PRKG1: variants seen among roughly 807,000 people sequenced by gnomAD.
The protein encoded by PRKG1 is cGMP-dependent protein kinase 1.
PRKG1 carries 35 observed loss-of-function variants against 88.1 expected under a neutral mutation model. The observed-to-expected ratio is 0.40, with a 90% CI of 0.30 to 0.53. The LOEUF is 0.53. PRKG1 is among the 20% of genes least tolerant of loss of function. PRKG1 has a pLI of 0.59. For missense variants in PRKG1, 540 were observed against 839.8 expected (o/e 0.64, Z 4.41); for synonymous variants, 303 against 292.5 (o/e 1.04, Z -0.37).
intron 3 of PRKG1, among the ~76,000 whole-genome samples, chr10:51,721,953 A>T (rs1842023124): frequency 6.6e-6 from 1 of 152,114 alleles, no homozygotes. Context: ...CATTACAGGC[A>T]GGGTGCGGTG....
intron 3 of PRKG1, among the ~76,000 whole-genome samples, chr10:51,668,474 C>T (rs1840476991): frequency 6.6e-6 from 1 of 152,172 alleles, no homozygotes; most frequent in South Asian, 2.1e-4. Flanking sequence ...CTGGTTCTAT[C>T]ATAGCTTACT....
chr10:51,961,907 T>G (rs149587291), intron 5 of PRKG1, among the ~76,000 whole-genome samples: 338 of 152,240 alleles, frequency 2.2e-3, no homozygotes, highest in African/African-American at 7.8e-3. Flanking sequence ...GATATCCACG[T>G]CAGGAAAGAC....
chr10:52,134,961 C>T (rs1837365472), intron 8 of PRKG1, among the ~76,000 whole-genome samples: 1 of 152,074 alleles, frequency 6.6e-6, no homozygotes, highest in South Asian at 2.1e-4. Flanking sequence ...TACCAATTTG[C>T]TCTTCCATTC....
chr10:51,663,113 A>G (rs990474580), intron 3 of PRKG1, among the ~76,000 whole-genome samples: 2 of 152,108 alleles, frequency 1.3e-5, no homozygotes, highest in African/African-American at 4.8e-5. Flanking sequence ...CCAGTGATGA[A>G]AACAGAACCA....
chr10:51,417,961 C>T (rs1231635741), intron 2 of PRKG1, among the ~76,000 whole-genome samples: 2 of 152,164 alleles, frequency 1.3e-5, no homozygotes, highest in Non-Finnish European at 2.9e-5. Flanking sequence ...ATGGGAGACA[C>T]ATGTTTTACG....
intron 7 of PRKG1, chr10:52,128,345 T>C: frequency 1.0e-6 from 1 of 985,410 alleles, no homozygotes; most frequent in Non-Finnish European, 1.2e-6. Context: ...TTTGGCCTCA[T>C]ACATTCTGTG....
At chr10:51,250,174 T>C (rs1470882413) in intron 2 of PRKG1, among the ~76,000 whole-genome samples, 1 of 151,768 alleles carries the variant, frequency 6.6e-6, no homozygotes, top group Non-Finnish European at 1.5e-5. Flanking sequence ...ATTTATTCAG[T>C]ATACCTTGGG....
At chr10:51,071,796 C>T (rs534732093), upstream of PRKG1, among the ~76,000 whole-genome samples, 1 of 152,068 alleles carries the variant, frequency 6.6e-6, no homozygotes, top group Non-Finnish European at 1.5e-5. Context: ...TGAGGAAGAA[C>T]CTTCTCTCTT....
chr10:51,894,610 A>G (rs372225114), intron 4 of PRKG1, among the ~76,000 whole-genome samples: 7 of 152,258 alleles, frequency 4.6e-5, no homozygotes, highest in African/African-American at 1.4e-4. Flanking sequence ...CTACCCTATG[A>G]CCTCTTGAAT....
intron 7 of PRKG1, among the ~76,000 whole-genome samples, chr10:52,063,108 C>G (rs1464874245): frequency 6.6e-6 from 1 of 152,156 alleles, no homozygotes; most frequent in Non-Finnish European, 1.5e-5. Context: ...CCATTGGGCT[C>G]ATTATGCCCA....
intron 9 of PRKG1, among the ~76,000 whole-genome samples, chr10:52,249,778 T>G (rs1194512): frequency 0.23 from 34,921 of 151,852 alleles, 4,549 homozygotes; most frequent in Admixed American, 0.28. Flanking sequence ...GAGCCAAGAT[T>G]GCACCGCTGC....
chr10:51,272,480 A>G (rs1221351280), intron 2 of PRKG1, among the ~76,000 whole-genome samples: 1 of 151,836 alleles, frequency 6.6e-6, no homozygotes, highest in African/African-American at 2.4e-5. Flanking sequence ...CATTCTGCAC[A>G]TGTATCCCAG....
At chr10:52,188,023 T>C (rs1030511253) in intron 9 of PRKG1, among the ~76,000 whole-genome samples, 21 of 152,008 alleles carry the variant, frequency 1.4e-4, no homozygotes, top group African/African-American at 4.8e-4. Flanking sequence ...AGTAGACTTT[T>C]ACAATGGTTT....
At chr10:52,150,183 A>ATTATTACT (rs1554810291) in intron 8 of PRKG1, among the ~76,000 whole-genome samples, 79 of 147,992 alleles carry the variant, frequency 5.3e-4, no homozygotes, top group Middle Eastern at 3.6e-3. Context: ...TAATAATAAT[A>ATTATTACT]ATTTGATTGG....
intron 7 of PRKG1, chr10:52,128,323 A>C: frequency 1.0e-6 from 1 of 985,412 alleles, no homozygotes; most frequent in Non-Finnish European, 1.2e-6. Context: ...CTTTGTATCA[A>C]CTATGTTCTG....
rs35562284 is a variant in PRKG1 at position 51,113,944 on chromosome 10, CGTGTGTGTGTGTGTGT to C, written c.311+39070_311+39085del. 0.027 allele frequency among the ~76,000 whole-genome samples: 3,796 copies of C among 139,116 alleles called. 66 individuals are homozygous for C. The highest frequency in any genetic ancestry group is 0.043 in the African/African-American group (1,597 of 37,430). The allele number at this position is 139,116 out of a possible 152,430, so 91.3% of individuals were successfully genotyped here. A position where few individuals can be genotyped will look rare whatever the true frequency, so the allele number is the denominator to read the frequency against. ...ACTTCAGAAAAAGTCAGCCTGTAAA[CGTGTGTGTGTGTGTGT>C]GTGTGTGTGTGTGTGTGTGTGTGTG... On this transcript the variant is annotated intron_variant, in intron 1 of 17. Transcript: ENST00000373980.
intron 4 of PRKG1, among the ~76,000 whole-genome samples, chr10:51,811,833 T>G (rs1037144043): frequency 6.6e-6 from 1 of 152,166 alleles, no homozygotes; most frequent in East Asian, 1.9e-4. Flanking sequence ...CCATTTTTAG[T>G]GATAGATTTG....
intron 3 of PRKG1, among the ~76,000 whole-genome samples, chr10:51,483,380 C>A (rs939133343): frequency 7.9e-5 from 12 of 152,154 alleles, no homozygotes; most frequent in Non-Finnish European, 1.3e-4. Context: ...TTAATGCCTT[C>A]CGTGTAAAAT....
At chr10:52,153,738 A>C (rs55665246) in intron 8 of PRKG1, among the ~76,000 whole-genome samples, 3 of 152,098 alleles carry the variant, frequency 2.0e-5, no homozygotes, top group Admixed American at 2.0e-4. Flanking sequence ...ATTTTTATTT[A>C]TTTATTTATT....
Sources: allele counts gnomAD v4.1 joint callset (sites outside exome capture counted in the v4.1 genomes callset), GRCh38; gene constraint gnomAD v4.1.1; transcripts MANE v1.5; gene names NCBI Gene and HGNC (gene_info 2026-07-23, HGNC 2026-07-21).